The following KBTBD4 variants were observed in gnomAD, a reference collection of about 807,000 sequenced individuals.
KBTBD4 encodes the protein kelch repeat and BTB domain-containing protein 4.
In KBTBD4, 30 loss-of-function variants were observed where a neutral mutation model predicts 43.9. That is an observed-to-expected ratio of 0.68 (90% confidence interval 0.51 to 0.93). KBTBD4 has a LOEUF of 0.93. KBTBD4 is among the 40% of genes least tolerant of loss of function. The probability of loss-of-function intolerance (pLI) is 0.00; values close to 1 mark genes in which losing one functional copy is unlikely to be tolerated. For missense variants in KBTBD4, 575 were observed against 668.8 expected (o/e 0.86, Z 1.55); for synonymous variants, 258 against 256.9 (o/e 1.00, Z -0.04).
chr11:47,578,634 C>T (rs570055339), intron 1 of KBTBD4: 12 of 776,514 alleles, frequency 1.5e-5, no homozygotes, highest in Non-Finnish European at 2.4e-5. Flanking sequence ...CATCCGCCCC[C>T]AGGCCGGGGC....
At chr11:47,576,139 C>T (rs2097258910) in intron 2 of KBTBD4, among the ~76,000 whole-genome samples, 1 of 149,082 alleles carries the variant, frequency 6.7e-6, no homozygotes, top group African/African-American at 2.5e-5. Context: ...GCATGAGCCA[C>T]CATGCCTGGC....
chr11:47,575,236 C>T (rs1181807044), intron 3 of KBTBD4, among the ~76,000 whole-genome samples: 32 of 148,152 alleles, frequency 2.2e-4, no homozygotes, highest in African/African-American at 2.5e-5. Flanking sequence ...AGGCCGGGCG[C>T]GGGGGCTCAT....
chr11:47,576,520 C>T (rs2097259865), intron 2 of KBTBD4: 2 of 151,944 alleles, frequency 1.3e-5, no homozygotes, highest in Admixed American at 6.6e-5. Flanking sequence ...GACTCATAAC[C>T]GTTCCTCTCC....
Position 47,572,865 on chromosome 11 carries a change from A to T in KBTBD4, c.*65T>A. On this transcript the variant is annotated 3_prime_UTR_variant, in exon 4 of 4. Transcript: ENST00000430070. Reference sequence around the variant, plus strand: ...AAAACATAACTCTGAATTGGGGCCCAGGGGACTTTGAGTTTGTATGGGGAG... The same window carrying T: ...AAAACATAACTCTGAATTGGGGCCCTGGGGACTTTGAGTTTGTATGGGGAG... 1 of 1,532,736 alleles carries T rather than the reference A, an allele frequency of 6.5e-7. No individual in the cohort carries two copies. Among genetic ancestry groups the T allele is most frequent in the Non-Finnish European group, 8.8e-7 (1 of 1,131,624 alleles). The allele number at this position is 1,532,736 out of a possible 1,614,324, so 94.9% of individuals were successfully genotyped here.
chr11:47,577,265 C>T, intron 2 of KBTBD4, 146 bp downstream of exon 2: 1 of 812,786 alleles, frequency 1.2e-6, no homozygotes, highest in South Asian at 1.9e-5. Flanking sequence ...CTCAATCTTT[C>T]TCAGCAGGTT....
chr11:47,578,198 C>T, intron 1 of KBTBD4, 170 bp from the exon 2 acceptor site: 1 of 680,578 alleles, frequency 1.5e-6, no homozygotes, highest in Admixed American at 2.9e-5. Flanking sequence ...TTAACCAAAT[C>T]TGGGTTCGTT....
intron 3 of KBTBD4, among the ~76,000 whole-genome samples, chr11:47,574,746 C>T (rs773354705): frequency 2.6e-5 from 4 of 151,778 alleles, no homozygotes; most frequent in South Asian, 2.1e-4. Flanking sequence ...CTCAGCTACT[C>T]GGGAGGCTGA....
At chr11:47,576,832 A>G (rs2097260560) in intron 2 of KBTBD4, among the ~76,000 whole-genome samples, 1 of 152,156 alleles carries the variant, frequency 6.6e-6, no homozygotes, top group Non-Finnish European at 1.5e-5. Flanking sequence ...GCAAGCCACC[A>G]TGCCCAGCTA....
chr11:47,574,778 C>T (rs2097256024), intron 3 of KBTBD4, among the ~76,000 whole-genome samples: 1 of 151,816 alleles, frequency 6.6e-6, no homozygotes, highest in Non-Finnish European at 1.5e-5. Flanking sequence ...CGCTTGAACC[C>T]AGGAGGTAGA....
chr11:47,573,814 T>C lies in KBTBD4; in HGVS notation c.745-24A>G, dbSNP rs1383931178. 2 of 1,551,774 alleles carry C rather than the reference T, an allele frequency of 1.3e-6. No individual in the cohort carries two copies. The highest frequency in any genetic ancestry group is 1.7e-6 in the Non-Finnish European group (2 of 1,150,454). On this transcript the variant is annotated intron_variant, in intron 3 of 3. Transcript: ENST00000430070. The surrounding 1 kb of genome is among the most constrained non-coding windows in gnomAD (Gnocchi z 4.1). ...TCCTATTGGCAAAATTAAAATTATA[T>C]GACAGCTGTTAAATTCTAGGCTAAG...
chr11:47,577,870 A>G lies in KBTBD4; in HGVS notation c.178T>C (p.Phe60Leu). The G allele has an allele frequency of 1.2e-6, 2 of 1,614,232 alleles. No homozygotes were observed. The highest frequency in any genetic ancestry group is 1.7e-6 in the Non-Finnish European group (2 of 1,180,032). Residue 60 changes from phenylalanine (F) to leucine (L), a missense_variant, in exon 2 of 4, where the codon TTT becomes CTT. Physicochemically the swap from Phe to Leu is conservative, Grantham distance 22 (BLOSUM62 0). Transcript: ENST00000430070. ...IMKLCLEEEL[F>L]ADVTISVEGR... is the part of the protein sequence containing the mutation. Reference sequence around the variant, plus strand: ...TCCACCGAAATGGTGACATCAGCAAAGAGCTCCTCCTCTAGACACAGTTTC... The same window carrying G: ...TCCACCGAAATGGTGACATCAGCAAGGAGCTCCTCCTCTAGACACAGTTTC...
Position 47,573,089 on chromosome 11 carries a change from G to C in KBTBD4, c.1446C>G (p.Leu482=), listed in dbSNP as rs1316263342. The C allele has an allele frequency of 6.2e-7, 1 of 1,614,204 alleles. No individual in the cohort carries two copies. Residue 482 remains leucine (L), a synonymous_variant, in exon 4 of 4, where the codon CTC becomes CTG. Transcript: ENST00000430070. This position sits in a 1 kb window ranked among gnomAD's most constrained non-coding sequence, Gnocchi z 4.1. ...LPEAWSSAPS[L]WKIASCNGSI... ...TCCCGTTACAGCTGGCAATCTTCCA[G>C]AGGGATGGGGCAGAGCTCCAGGCCT...
At chr11:47,578,778 G>A in intron 1 of KBTBD4, 155 bp downstream of exon 1, 1 of 1,519,772 alleles carries the variant, frequency 6.6e-7, no homozygotes, top group Non-Finnish European at 8.8e-7. Flanking sequence ...GAGCGGGGGA[G>A]GGGTGTGTAG....
At chr11:47,578,508 T>C (rs2097264632) in intron 1 of KBTBD4, 1 of 643,186 alleles carries the variant, frequency 1.6e-6, no homozygotes, top group South Asian at 1.8e-5. Context: ...ACGCTCCATA[T>C]GAAGCCTAGC....
In KBTBD4 at chr11:47,573,921, T is replaced by G; in HGVS notation, c.745-131A>C. On this transcript the variant is annotated intron_variant, in intron 3 of 3. Coordinates refer to ENST00000430070, the MANE Select transcript of KBTBD4 (RefSeq NM_018095.6). This position sits in a 1 kb window ranked among gnomAD's most constrained non-coding sequence, Gnocchi z 4.1. ...ATCATACTACTCTCTAATTACTGTA[T>G]GGCATCCAACTCTCCTCTAGTCACT... 1.2e-6 allele frequency: 1 copy of G among 826,144 alleles called. No homozygotes were observed. Among genetic ancestry groups the G allele is most frequent in the Non-Finnish European group, 1.9e-6 (1 of 533,134 alleles). 51.2% of individuals were successfully genotyped at this position (826,144 alleles called of 1,614,324 possible).
chr11:47,578,582 C>T, intron 1 of KBTBD4: 1 of 705,962 alleles, frequency 1.4e-6, no homozygotes, highest in Non-Finnish European at 2.6e-6. Context: ...CTTCCCCGCT[C>T]GCTCGAAAGA....
chr11:47,578,955 G>T lies in KBTBD4; in HGVS notation c.-4C>A, dbSNP rs2097265845. ...CACCTGCGTTCCCTCCTTTCATCCC[G>T]GAGCCCGGAACCTCCGCTTCCGGCT... is the stretch of plus-strand genomic sequence containing the variant. On this transcript the variant is annotated 5_prime_UTR_variant, in exon 1 of 4. Coordinates refer to ENST00000430070, the MANE Select transcript of KBTBD4 (RefSeq NM_018095.6). The T allele has an allele frequency of 1.3e-6, 2 of 1,551,528 alleles. No homozygotes were observed. Among genetic ancestry groups the T allele is most frequent in the Admixed American group, 2.0e-5 (1 of 50,988 alleles).
intron 3 of KBTBD4, among the ~76,000 whole-genome samples, chr11:47,575,081 G>A (rs1409608699): frequency 6.6e-6 from 1 of 151,822 alleles, no homozygotes; most frequent in Admixed American, 6.6e-5. Flanking sequence ...CGTGGTGGCA[G>A]CACCTGTAAT....
intron 2 of KBTBD4, 24 bp from the exon 3 acceptor site, chr11:47,575,723 T>C (rs112845255): frequency 5.5e-6 from 8 of 1,450,532 alleles, no homozygotes; most frequent in African/African-American, 4.3e-5. Context: ...AGGAAAGGCA[T>C]GGTCAATGAC....
Sources: allele counts gnomAD v4.1 joint callset (sites outside exome capture counted in the v4.1 genomes callset), GRCh38; gene constraint gnomAD v4.1.1; non-coding constraint Gnocchi (gnomAD v3.1); transcripts MANE v1.5; gene names NCBI Gene and HGNC (gene_info 2026-07-23, HGNC 2026-07-21).